CADM1: variants seen among roughly 807,000 people sequenced by gnomAD.
CADM1 encodes the protein cell adhesion molecule 1.
CADM1 carries 15 observed loss-of-function variants against 53.1 expected under a neutral mutation model. The observed-to-expected ratio is 0.28, with a 90% CI of 0.19 to 0.44. The LOEUF (loss-of-function observed/expected upper bound fraction) is 0.44. Ranked by LOEUF, CADM1 falls within the 20% of genes least tolerant of loss-of-function variation. The pLI is 1.00. For synonymous variants in CADM1, 281 were observed against 243.0 expected (o/e 1.16, Z -1.45); for missense variants, 434 against 611.3 (o/e 0.71, Z 3.06).
At chr11:115,270,917 G>C (rs1943279200) in intron 1 of CADM1, among the ~76,000 whole-genome samples, 1 of 152,126 alleles carries the variant, frequency 6.6e-6, no homozygotes, top group Admixed American at 6.5e-5. Context: ...TCAGCTAACT[G>C]TGAACCACTG....
chr11:115,316,389 T>C (rs556707500), intron 1 of CADM1, among the ~76,000 whole-genome samples: 3 of 152,256 alleles, frequency 2.0e-5, no homozygotes, highest in South Asian at 2.1e-4. Flanking sequence ...CTTGTTCAGC[T>C]TGTTGATAGT....
chr11:115,328,680 G>GTATATATATGTGTATATATGTA (rs1945029765), intron 1 of CADM1, among the ~76,000 whole-genome samples: 1 of 35,824 alleles, frequency 2.8e-5, no homozygotes, highest in Non-Finnish European at 6.6e-5. Context: ...ATATATATGT[G>GTATATATATGTGTATATATGTA]TATATATATG....
intron 1 of CADM1, among the ~76,000 whole-genome samples, chr11:115,493,883 A>G (rs1345716614): frequency 6.6e-6 from 1 of 152,192 alleles, no homozygotes; most frequent in East Asian, 1.9e-4. Flanking sequence ...AAGCAGGGTA[A>G]TGGTTCTAGA....
At chr11:115,349,101 C>T (rs1183808481) in intron 1 of CADM1, among the ~76,000 whole-genome samples, 4 of 152,138 alleles carry the variant, frequency 2.6e-5, no homozygotes, top group Non-Finnish European at 5.9e-5. Flanking sequence ...GGGTTATATT[C>T]GATTTCATTT....
intron 1 of CADM1, among the ~76,000 whole-genome samples, chr11:115,419,522 T>C (rs981666855): frequency 6.6e-6 from 1 of 152,208 alleles, no homozygotes; most frequent in African/African-American, 2.4e-5. Flanking sequence ...TTAACAATTA[T>C]TACAAATTAC....
intron 1 of CADM1, among the ~76,000 whole-genome samples, chr11:115,456,628 G>A (rs1948689259): frequency 6.6e-6 from 1 of 152,044 alleles, no homozygotes. Context: ...GCACTGGATA[G>A]GAAATGCAAA....
intron 1 of CADM1, among the ~76,000 whole-genome samples, chr11:115,296,329 G>C (rs1039796415): frequency 6.6e-6 from 1 of 152,106 alleles, no homozygotes; most frequent in South Asian, 2.1e-4. Context: ...AAGTTTGCCC[G>C]CACCAAAACT....
chr11:115,445,966 G>C (rs532590158), intron 1 of CADM1: 5 of 220,114 alleles, frequency 2.3e-5, no homozygotes, highest in African/African-American at 4.7e-5. Flanking sequence ...TACATAAAAA[G>C]TATTTACTTT....
intron 1 of CADM1, among the ~76,000 whole-genome samples, chr11:115,462,049 C>G (rs1040748769): frequency 2.0e-5 from 3 of 152,022 alleles, no homozygotes; most frequent in African/African-American, 7.3e-5. Flanking sequence ...AAGAGCTAGC[C>G]CAAGTGCTGC....
At chr11:115,216,399 AGCAAGCCAT>A (rs1162550734) in intron 6 of CADM1, among the ~76,000 whole-genome samples, 2 of 152,244 alleles carry the variant, frequency 1.3e-5, no homozygotes, top group East Asian at 3.9e-4. Flanking sequence ...AGTATAGGTT[AGCAAGCCAT>A]AGACTGTAAC....
chr11:115,220,787 A>C (rs1941376240), intron 5 of CADM1, among the ~76,000 whole-genome samples: 1 of 152,214 alleles, frequency 6.6e-6, no homozygotes, highest in Non-Finnish European at 1.5e-5. Flanking sequence ...GAGAAACTTA[A>C]GCGTTTTCAA....
rs1160372716 is a variant in CADM1 at position 115,229,270 on chromosome 11, G to A, written c.564C>T (p.Gly188=). Residue 188 remains glycine, a splice_region_variant and synonymous_variant, in exon 5 of 12, where the codon GGC becomes GGT. Transcript: ENST00000331581. ...CTGACCACTCTTCCACCTCCGATTT[G>A]CCTGGGGAACAGAAAATGTACCAAG... is the stretch of plus-strand genomic sequence containing the variant. ...RWFKGNTELK[G]KSEVEEWSDM... 1 of 1,613,896 alleles carries A rather than the reference G, an allele frequency of 6.2e-7. No homozygotes were observed. The highest frequency in any genetic ancestry group is 2.2e-5 in the East Asian group (1 of 44,872).
At position 115,194,899 on chromosome 11, in the gene CADM1, C is replaced by T. The variant is rs566954318; in HGVS notation, c.1111+3507G>A. On this transcript the variant is annotated intron_variant, in intron 9 of 11. Transcript: ENST00000331581. Reference sequence around the variant, plus strand: ...ATATGAACAAACGAAAACCATCACACGCACCCACACATCAAGAACATAATG... The same window carrying T: ...ATATGAACAAACGAAAACCATCACATGCACCCACACATCAAGAACATAATG... 5.3e-5 allele frequency among the ~76,000 whole-genome samples: 8 copies of T among 152,264 alleles called. No individual in the cohort carries two copies. The East Asian group carries it at 1.4e-3, about 26-fold the overall frequency.
At chr11:115,440,678 C>T (rs1201109893) in intron 1 of CADM1, among the ~76,000 whole-genome samples, 1 of 152,190 alleles carries the variant, frequency 6.6e-6, no homozygotes, top group African/African-American at 2.4e-5. Flanking sequence ...GACCCACAGG[C>T]CACCATTTGA....
At chr11:115,216,462 G>A (rs1340914916) in intron 6 of CADM1, among the ~76,000 whole-genome samples, 1 of 152,160 alleles carries the variant, frequency 6.6e-6, no homozygotes, top group African/African-American at 2.4e-5. Flanking sequence ...GCGGCAAGAG[G>A]CCTCTGAGAA....
chr11:115,455,031 T>TA (rs1948653001), intron 1 of CADM1, among the ~76,000 whole-genome samples: 1 of 152,184 alleles, frequency 6.6e-6, no homozygotes, highest in African/African-American at 2.4e-5. Flanking sequence ...TCCATAATGA[T>TA]AGAGTGAATA....
chr11:115,284,085 A>ACT (rs1449186377), intron 1 of CADM1, among the ~76,000 whole-genome samples: 7 of 23,394 alleles, frequency 3.0e-4, no homozygotes, highest in African/African-American at 7.3e-4. Flanking sequence ...ACAAGCCCAG[A>ACT]CACTCTCTCT....
chr11:115,460,474 T>C (rs551204136), intron 1 of CADM1, among the ~76,000 whole-genome samples: 1 of 152,294 alleles, frequency 6.6e-6, no homozygotes, highest in South Asian at 2.1e-4. Flanking sequence ...ATAGAAATAC[T>C]TGGGCCAAAA....
chr11:115,380,442 G>C (rs1214492383), intron 1 of CADM1, among the ~76,000 whole-genome samples: 2 of 152,174 alleles, frequency 1.3e-5, no homozygotes, highest in Admixed American at 6.5e-5. Flanking sequence ...ACGCTATCCA[G>C]CTGAATGAAA....
Sources: allele counts gnomAD v4.1 joint callset (sites outside exome capture counted in the v4.1 genomes callset), GRCh38; gene constraint gnomAD v4.1.1; transcripts MANE v1.5; gene names NCBI Gene and HGNC (gene_info 2026-07-23, HGNC 2026-07-21).